Variants in LPP observed in about 807,000 individuals in gnomAD.
LPP encodes the protein LIM domain containing preferred translocation partner in lipoma.
In LPP, 38 loss-of-function variants were observed where a neutral mutation model predicts 60.4. The ratio of observed to expected loss-of-function variants is 0.63; its 90% CI spans 0.49 to 0.83. LPP has a LOEUF of 0.83. Ranked by LOEUF, LPP falls within the 40% of genes least tolerant of loss-of-function variation. LPP has a pLI of 0.00. For synonymous variants in LPP, 328 were observed against 290.8 expected (o/e 1.13, Z -1.30); for missense variants, 902 against 783.6 (o/e 1.15, Z -1.80).
Position 188,553,507 on chromosome 3 carries a change from A to G in LPP, c.429+28720A>G, listed in dbSNP as rs149616337. Among the ~76,000 whole-genome samples the G allele has an allele frequency of 1.3e-3, 191 of 152,254 alleles. 1 individual carries two copies. The highest frequency in any genetic ancestry group is 4.4e-3 in the African/African-American group (183 of 41,548). ...GTGAGGAGGTGGATGACCTGTCTAT[A>G]TATTCAACACTAGCTTTTCTTTGAG... On this transcript the variant is annotated intron_variant, in intron 6 of 11. Coordinates refer to ENST00000617246, the MANE Select transcript of LPP (RefSeq NM_001375462.1).
At chr3:188,238,111 C>T (rs1329379129) in intron 2 of LPP, among the ~76,000 whole-genome samples, 1 of 152,140 alleles carries the variant, frequency 6.6e-6, no homozygotes, top group Non-Finnish European at 1.5e-5. Context: ...GTTATGGAGA[C>T]CTAGTTTTTC....
intron 4 of LPP, among the ~76,000 whole-genome samples, chr3:188,475,685 G>A (rs141246894): frequency 6.8e-4 from 104 of 152,090 alleles, no homozygotes; most frequent in African/African-American, 2.4e-3. Context: ...GGCGGATCAC[G>A]AGGTGAGGAG....
intron 5 of LPP, among the ~76,000 whole-genome samples, chr3:188,519,633 G>A (rs1818327763): frequency 6.6e-6 from 1 of 152,074 alleles, no homozygotes; most frequent in Non-Finnish European, 1.5e-5. Flanking sequence ...GAAATTCTTA[G>A]GAGATGCAAA....
At chr3:188,280,281 A>G (rs1741456751) in intron 2 of LPP, among the ~76,000 whole-genome samples, 1 of 152,214 alleles carries the variant, frequency 6.6e-6, no homozygotes. Context: ...TGCCTCTGTC[A>G]GTCATCTCTA....
chr3:188,610,789 C>T lies in LPP; in HGVS notation c.1113+945C>T, dbSNP rs1843545871. ...TGACTAGAGGAACCAATAAGAATAA[C>T]TTGGAATCGGTGAAAATAGAGGAAC... On this transcript the variant is annotated intron_variant, in intron 7 of 11. Coordinates refer to ENST00000617246, the MANE Select transcript of LPP (RefSeq NM_001375462.1). This position sits in a 1 kb window ranked among gnomAD's most constrained non-coding sequence, Gnocchi z 4.4. Among the ~76,000 whole-genome samples, 1 of 152,142 alleles carries T rather than the reference C, an allele frequency of 6.6e-6. No individual in the cohort carries two copies. Among genetic ancestry groups the T allele is most frequent in the African/African-American group, 2.4e-5 (1 of 41,416 alleles).
chr3:188,220,332 C>G (rs1193073277), intron 1 of LPP, among the ~76,000 whole-genome samples: 1 of 152,096 alleles, frequency 6.6e-6, no homozygotes, highest in Non-Finnish European at 1.5e-5. Flanking sequence ...ACCTGTGCTT[C>G]TTCTGTGGCA....
intron 2 of LPP, among the ~76,000 whole-genome samples, chr3:188,310,727 C>A (rs1305291271): frequency 6.6e-6 from 1 of 151,910 alleles, no homozygotes; most frequent in Non-Finnish European, 1.5e-5. Flanking sequence ...GCTTCTTGGG[C>A]AGTTAGGGTG....
chr3:188,337,768 G>A (rs997146141), intron 2 of LPP, among the ~76,000 whole-genome samples: 5 of 152,186 alleles, frequency 3.3e-5, no homozygotes, highest in South Asian at 2.1e-4. Flanking sequence ...CCAGAGTGCC[G>A]GGACTACAGG....
chr3:188,884,428 C>T lies in LPP; in HGVS notation c.*9949C>T, dbSNP rs892436884. 8 of 229,728 alleles carry T rather than the reference C, an allele frequency of 3.5e-5. No homozygotes were observed. Among genetic ancestry groups the T allele is most frequent in the Non-Finnish European group, 5.2e-5 (6 of 115,998 alleles). The allele number at this position is 229,728 out of a possible 1,614,324, so 14.2% of individuals were successfully genotyped here. A position where few individuals can be genotyped will look rare whatever the true frequency, so the allele number is the denominator to read the frequency against. On this transcript the variant is annotated 3_prime_UTR_variant, in exon 12 of 12. Coordinates refer to ENST00000617246, the MANE Select transcript of LPP (RefSeq NM_001375462.1). ...GGCAAATCCACATGTGTACTGCGGT[C>T]TTTAGAGATCATTTAGAGCTTGCAC...
At chr3:188,632,619 T>G (rs1340757745) in intron 7 of LPP, among the ~76,000 whole-genome samples, 1 of 152,234 alleles carries the variant, frequency 6.6e-6, no homozygotes, top group African/African-American at 2.4e-5. Context: ...CAGTCACATT[T>G]CTGTTCTGGA....
At chr3:188,362,010 A>G (rs1296317556) in intron 3 of LPP, among the ~76,000 whole-genome samples, 2 of 152,180 alleles carry the variant, frequency 1.3e-5, no homozygotes, top group Admixed American at 1.3e-4. Context: ...ACACAAACAC[A>G]TAAATAACTA....
chr3:188,249,829 T>TAC (rs61215623), intron 2 of LPP, among the ~76,000 whole-genome samples: 22,974 of 110,900 alleles, frequency 0.21, 2,829 homozygotes, highest in African/African-American at 0.35. Flanking sequence ...TTTCTCTGTC[T>TAC]ACACACACAC....
chr3:188,264,629 T>C (rs953586357), intron 2 of LPP, among the ~76,000 whole-genome samples: 7 of 152,220 alleles, frequency 4.6e-5, no homozygotes, highest in Admixed American at 1.3e-4. Context: ...TGAAACTCTG[T>C]TTGTCAAATA....
At chr3:188,538,070 G>A (rs1189664245) in intron 6 of LPP, among the ~76,000 whole-genome samples, 1 of 152,172 alleles carries the variant, frequency 6.6e-6, no homozygotes, top group South Asian at 2.1e-4. Flanking sequence ...CTACCTCATA[G>A]TGTAAGACAC....
intron 6 of LPP, among the ~76,000 whole-genome samples, chr3:188,578,262 A>C (rs1580120878): frequency 6.7e-6 from 1 of 149,776 alleles, no homozygotes; most frequent in Non-Finnish European, 1.5e-5. Flanking sequence ...CCCTTTCCCC[A>C]CTTTCCTTCT....
At chr3:188,286,406 C>T (rs1743924122) in intron 2 of LPP, among the ~76,000 whole-genome samples, 1 of 152,048 alleles carries the variant, frequency 6.6e-6, no homozygotes, top group African/African-American at 2.4e-5. Context: ...AGTCAGAAGG[C>T]AAAACTGCTT....
intron 2 of LPP, among the ~76,000 whole-genome samples, chr3:188,267,837 G>C (rs1328559967): frequency 1.3e-5 from 2 of 151,968 alleles, no homozygotes; most frequent in Non-Finnish European, 2.9e-5. Flanking sequence ...TCAGCCCCAG[G>C]ACCCCCCAGA....
At position 188,220,959 on chromosome 3, in the gene LPP, A is replaced by G. The variant is rs143642600; in HGVS notation, c.-189-4446A>G. On this transcript the variant is annotated intron_variant, in intron 1 of 11. Transcript: ENST00000617246. ...GGAAACTGACCATGGAAAGGGATTC[A>G]TTTCTTAAAGGGATAGGGCTACCAT... Among the ~76,000 whole-genome samples the G allele has an allele frequency of 3.4e-3, 523 of 152,254 alleles. 2 individuals are homozygous for G. Among genetic ancestry groups the G allele is most frequent in the South Asian group, 0.021 (102 of 4,822 alleles).
In LPP at chr3:188,878,898, C is replaced by A. The variant is rs1769585061; in HGVS notation, c.*4419C>A. The A allele has an allele frequency of 4.5e-6, 1 of 222,646 alleles. No homozygotes were observed. The allele number at this position is 222,646 out of a possible 1,614,324, so 13.8% of individuals were successfully genotyped here. ...TTAAATGAGTAAAACATTTTTATGC[C>A]AGAAGGTGATATAATGGATGTTAGT... On this transcript the variant is annotated 3_prime_UTR_variant, in exon 12 of 12. Coordinates refer to ENST00000617246, the MANE Select transcript of LPP (RefSeq NM_001375462.1).
Sources: allele counts gnomAD v4.1 joint callset (sites outside exome capture counted in the v4.1 genomes callset), GRCh38; gene constraint gnomAD v4.1.1; non-coding constraint Gnocchi (gnomAD v3.1); transcripts MANE v1.5; gene names NCBI Gene and HGNC (gene_info 2026-07-23, HGNC 2026-07-21).